BCL11B: variants seen among roughly 807,000 people sequenced by gnomAD.
The protein encoded by BCL11B is B-cell lymphoma/leukemia 11B.
In BCL11B, 8 loss-of-function variants were observed where a neutral mutation model predicts 49.9. That is an observed-to-expected ratio of 0.16 (90% confidence interval 0.09 to 0.29). The LOEUF (loss-of-function observed/expected upper bound fraction) is 0.29. BCL11B is among the 10% of genes least tolerant of loss of function. The pLI, the probability that BCL11B is intolerant of heterozygous loss-of-function variation, is 1.00. For synonymous variants in BCL11B, 739 were observed against 637.4 expected (o/e 1.16, Z -2.40); for missense variants, 1,006 against 1,351.0 (o/e 0.74, Z 4.00).
Position 99,170,872 on chromosome 14 carries a change from ATT to A in BCL11B, c.*3277_*3278del. 4.3e-6 allele frequency: 1 copy of A among 232,480 alleles called. No homozygotes were observed. The highest frequency in any genetic ancestry group is 2.2e-5 in the African/African-American group (1 of 45,388). 14.4% of individuals were successfully genotyped at this position (232,480 alleles called of 1,614,324 possible). A position where few individuals can be genotyped will look rare whatever the true frequency, so the allele number is the denominator to read the frequency against. On this transcript the variant is annotated 3_prime_UTR_variant, in exon 4 of 4. Transcript: ENST00000357195. The stretch of plus-strand genomic sequence containing the variant: ...CTGAATCACCAGCTCCTTTTATGAT[ATT>A]TGTGTTTGTTTCACAATTTCTCAAG...
chr14:99,203,181 C>G (rs560005625), intron 3 of BCL11B, among the ~76,000 whole-genome samples: 6 of 152,306 alleles, frequency 3.9e-5, no homozygotes, highest in Admixed American at 3.3e-4. Flanking sequence ...TTCCCGTTCT[C>G]GTTCCCCATG....
In BCL11B at chr14:99,205,349, C is replaced by A. The variant is rs530041641; in HGVS notation, c.640+25996G>T. 2.6e-5 allele frequency among the ~76,000 whole-genome samples: 4 copies of A among 152,244 alleles called. No individual in the cohort carries two copies. Among genetic ancestry groups the A allele is most frequent in the African/African-American group, 9.6e-5 (4 of 41,546 alleles). On this transcript the variant is annotated intron_variant, in intron 3 of 3. Transcript: ENST00000357195. The surrounding 1 kb of genome is among the most constrained non-coding windows in gnomAD (Gnocchi z 5.0). ...ACTGAGACGGCCCAGGCCAGCAGGG[C>A]CAGTGGAGGATTCGCATTCACTCTG...
At position 99,213,303 on chromosome 14, in the gene BCL11B, G is replaced by C. The variant is rs1887739645; in HGVS notation, c.640+18042C>G. 6.6e-6 allele frequency among the ~76,000 whole-genome samples: 1 copy of C among 152,206 alleles called. No individual in the cohort carries two copies. The highest frequency in any genetic ancestry group is 1.5e-5 in the Non-Finnish European group (1 of 68,036). Reference sequence around the variant, plus strand: ...AAGGCCCCGAGCTGCTCCCTCTCAAGTGCAGCAGACACAGCCCCGACTAAT... The same window carrying C: ...AAGGCCCCGAGCTGCTCCCTCTCAACTGCAGCAGACACAGCCCCGACTAAT... On this transcript the variant is annotated intron_variant, in intron 3 of 3. Coordinates refer to ENST00000357195, the MANE Select transcript of BCL11B (RefSeq NM_138576.4). The surrounding 1 kb of genome is among the most constrained non-coding windows in gnomAD (Gnocchi z 5.1).
intron 3 of BCL11B, among the ~76,000 whole-genome samples, chr14:99,230,125 G>A (rs1037678167): frequency 6.6e-6 from 1 of 152,114 alleles, no homozygotes; most frequent in Non-Finnish European, 1.5e-5. Flanking sequence ...TAAAGCTCCA[G>A]GCCACCCTAC....
intron 1 of BCL11B, among the ~76,000 whole-genome samples, chr14:99,258,798 C>A (rs552176253): frequency 2.0e-5 from 3 of 152,320 alleles, no homozygotes; most frequent in African/African-American, 7.2e-5. Context: ...AGAAAATTCT[C>A]CAGACTCCAA....
At chr14:99,264,944 G>C (rs1022295061) in intron 1 of BCL11B, among the ~76,000 whole-genome samples, 2 of 152,164 alleles carry the variant, frequency 1.3e-5, no homozygotes, top group Admixed American at 1.3e-4. Context: ...GAGGGGGACC[G>C]AGCCTGAGCA....
chr14:99,234,949 T>A (rs1206312127), intron 2 of BCL11B, among the ~76,000 whole-genome samples: 2 of 151,202 alleles, frequency 1.3e-5, no homozygotes, highest in Non-Finnish European at 2.9e-5. Context: ...GATAAGCTCA[T>A]TCTTGATGCC....
chr14:99,233,895 C>T (rs1370224489), intron 2 of BCL11B, among the ~76,000 whole-genome samples: 4 of 152,022 alleles, frequency 2.6e-5, no homozygotes, highest in African/African-American at 9.7e-5. Context: ...GGGGGGCAGC[C>T]GGGAGAGGGG....
intron 3 of BCL11B, among the ~76,000 whole-genome samples, chr14:99,222,190 G>A (rs192938832): frequency 9.9e-5 from 15 of 152,026 alleles, no homozygotes; most frequent in African/African-American, 2.4e-4. Context: ...CCCTCTCCCC[G>A]CACCATAAAA....
rs1047762325 is a variant in BCL11B, at chr14:99,231,068, A to G, written c.640+277T>C. Among the ~76,000 whole-genome samples, 1 of 152,198 alleles carries G rather than the reference A, an allele frequency of 6.6e-6. No homozygotes were observed. The highest frequency in any genetic ancestry group is 2.4e-5 in the African/African-American group (1 of 41,454). ...AGTGTTATCCAATTAAGCTGTCGCT[A>G]AACAACCCAAAGAAGCGGGATTGGG... is the stretch of plus-strand genomic sequence containing the variant. On this transcript the variant is annotated intron_variant, in intron 3 of 3. Transcript: ENST00000357195. This position sits in a 1 kb window ranked among gnomAD's most constrained non-coding sequence, Gnocchi z 8.1.
In BCL11B at chr14:99,257,290, G is replaced by C. The variant is rs541486901; in HGVS notation, c.427+181C>G. Among the ~76,000 whole-genome samples, 9 of 152,120 alleles carry C rather than the reference G, an allele frequency of 5.9e-5. No individual in the cohort carries two copies. The highest frequency in any genetic ancestry group is 2.2e-4 in the African/African-American group (9 of 41,488). ...CCATTTGGGCCTCCCCGAGCCCCAG[G>C]CCTGTCTCCTCCTGAAGGTCACCTG... On this transcript the variant is annotated intron_variant, in intron 2 of 3. Transcript: ENST00000357195. This position sits in a 1 kb window ranked among gnomAD's most constrained non-coding sequence, Gnocchi z 6.2.
At chr14:99,185,049 T>C (rs1886812645) in intron 3 of BCL11B, among the ~76,000 whole-genome samples, 1 of 151,064 alleles carries the variant, frequency 6.6e-6, no homozygotes, top group Admixed American at 6.6e-5. Context: ...GGTCAGGGAG[T>C]GGGAGTGGGT....
chr14:99,186,436 C>T (rs1200921193), intron 3 of BCL11B, among the ~76,000 whole-genome samples: 1 of 152,172 alleles, frequency 6.6e-6, no homozygotes, highest in Non-Finnish European at 1.5e-5. Flanking sequence ...AGGAGAATTG[C>T]TTGAACCTTG....
At chr14:99,258,377 C>A (rs557058283) in intron 1 of BCL11B, among the ~76,000 whole-genome samples, 4 of 152,330 alleles carry the variant, frequency 2.6e-5, no homozygotes, top group Admixed American at 2.6e-4. Flanking sequence ...GGAGCCCTTT[C>A]CCCCTGCTGG....
At chr14:99,253,925 C>G (rs1889082487) in intron 2 of BCL11B, among the ~76,000 whole-genome samples, 1 of 152,250 alleles carries the variant, frequency 6.6e-6, no homozygotes, top group Admixed American at 6.5e-5. Flanking sequence ...GCTAAAGACC[C>G]TGCCTCTGAC....
intron 3 of BCL11B, among the ~76,000 whole-genome samples, chr14:99,177,943 G>T (rs1886587428): frequency 6.6e-6 from 1 of 152,140 alleles, no homozygotes; most frequent in Admixed American, 6.5e-5. Flanking sequence ...GTGACTCGGG[G>T]ACCAAATACC....
At chr14:99,237,541 G>A (rs1888538912) in intron 2 of BCL11B, among the ~76,000 whole-genome samples, 1 of 152,044 alleles carries the variant, frequency 6.6e-6, no homozygotes, top group Non-Finnish European at 1.5e-5. Context: ...TCCCACTCCT[G>A]GATTCTCATT....
At position 99,175,779 on chromosome 14, in the gene BCL11B, G is replaced by A. The variant is rs1211809833; in HGVS notation, c.1057C>T (p.Pro353Ser). ...SAFDRVMRLN[P>S]MAIDSPAMDF... ...ATGGCGGGCGAGTCGATGGCCATGGGGTTCAGGCGCATGACTCGGTCGAAG... is the reference window on the plus strand; with the variant it reads ...ATGGCGGGCGAGTCGATGGCCATGGAGTTCAGGCGCATGACTCGGTCGAAG... Residue 353 changes from proline to serine, a missense_variant, in exon 4 of 4, where the codon CCC becomes TCC. By Grantham distance (74) the Pro-to-Ser change is moderately conservative. Around this residue, in one of 6 missense-constraint regions of BCL11B, gnomAD observed 411 missense variants for 542.2 expected, o/e 0.76. Transcript: ENST00000357195. 1 of 1,471,560 alleles carries A rather than the reference G, an allele frequency of 6.8e-7. No individual in the cohort carries two copies. The highest frequency in any genetic ancestry group is 1.5e-5 in the African/African-American group (1 of 67,672). The allele number at this position is 1,471,560 out of a possible 1,614,324, so 91.2% of individuals were successfully genotyped here.
chr14:99,253,632 A>T (rs552975538), intron 2 of BCL11B, among the ~76,000 whole-genome samples: 20 of 152,178 alleles, frequency 1.3e-4, no homozygotes, highest in Non-Finnish European at 2.5e-4. Flanking sequence ...GTTCTTTCCC[A>T]CACAGCAACA....
Sources: gnomAD v4.1 joint callset for allele counts (sites outside exome capture counted in the v4.1 genomes callset) on GRCh38, gnomAD v4.1.1 for gene constraint, gnomAD v4.1.1 regional missense constraint, Gnocchi (gnomAD v3.1) non-coding constraint, MANE v1.5 for transcripts, NCBI Gene and HGNC (gene_info 2026-07-23, HGNC 2026-07-21) for gene names.